The following FCHSD2 variants were observed in gnomAD, a reference collection of about 807,000 sequenced individuals.
FCHSD2 encodes FCH and double SH3 domains 2.
Under a neutral mutation model 108.1 loss-of-function variants are expected in FCHSD2, and 38 were observed. The observed-to-expected ratio is 0.35, with a 90% CI of 0.27 to 0.46. FCHSD2 has a LOEUF of 0.46. Ranked by LOEUF, FCHSD2 falls within the 20% of genes least tolerant of loss-of-function variation. The probability of loss-of-function intolerance (pLI) is 1.00; values close to 1 mark genes in which losing one functional copy is unlikely to be tolerated. For missense variants in FCHSD2, 751 were observed against 897.8 expected, an observed-to-expected ratio of 0.84 and a Z score of 2.09; for synonymous variants, 279 against 314.7, an observed-to-expected ratio of 0.89 and a Z score of 1.20.
chr11:72,978,169 G>A (rs1857143081), intron 8 of FCHSD2, among the ~76,000 whole-genome samples: 1 of 152,048 alleles, frequency 6.6e-6, no homozygotes, highest in Non-Finnish European at 1.5e-5. Context: ...CATGGGGTGG[G>A]GGGAGCGGGG....
At chr11:72,894,016 C>T (rs778858033) in intron 10 of FCHSD2, among the ~76,000 whole-genome samples, 2 of 152,066 alleles carry the variant, frequency 1.3e-5, no homozygotes, top group Non-Finnish European at 2.9e-5. Context: ...AAGCTGACTT[C>T]GCAGAAGAAA....
intron 10 of FCHSD2, 100 bp from the exon 11 acceptor site, chr11:72,890,045 CA>C: frequency 1.4e-6 from 1 of 698,086 alleles, no homozygotes; most frequent in Non-Finnish European, 2.5e-6. Flanking sequence ...AATCAGCACT[CA>C]AAACATGAGG....
intron 8 of FCHSD2, among the ~76,000 whole-genome samples, chr11:72,944,866 G>A (rs1856488158): frequency 6.6e-6 from 1 of 152,124 alleles, no homozygotes; most frequent in African/African-American, 2.4e-5. Context: ...CCTCTTCAAG[G>A]AGAACTACAA....
intron 9 of FCHSD2, 113 bp downstream of exon 9, chr11:72,921,715 T>C (rs1855978552): frequency 1.3e-6 from 1 of 779,994 alleles, no homozygotes; most frequent in Non-Finnish European, 2.0e-6. Flanking sequence ...ACCAGGAAAT[T>C]TGTTCGTTAA....
At chr11:73,070,783 C>G (rs761681093) in intron 3 of FCHSD2, among the ~76,000 whole-genome samples, 3 of 151,450 alleles carry the variant, frequency 2.0e-5, no homozygotes, top group Non-Finnish European at 4.4e-5. Context: ...GAATGGTGAC[C>G]TTAGAGCGTC....
chr11:72,897,912 G>A (rs932499968), intron 10 of FCHSD2, among the ~76,000 whole-genome samples: 1 of 152,148 alleles, frequency 6.6e-6, no homozygotes, highest in African/African-American at 2.4e-5. Context: ...TTTCTAGAAA[G>A]AGCTCTGGCT....
chr11:73,140,758 G>C (rs1281640807), intron 1 of FCHSD2, among the ~76,000 whole-genome samples: 3 of 152,216 alleles, frequency 2.0e-5, no homozygotes, highest in African/African-American at 4.8e-5. Flanking sequence ...GCCGATCCCC[G>C]TGGAGGCTCC....
intron 3 of FCHSD2, among the ~76,000 whole-genome samples, chr11:73,077,404 A>G (rs996568966): frequency 6.6e-5 from 10 of 152,148 alleles, no homozygotes; most frequent in South Asian, 2.1e-4. Context: ...TAAGAAGACT[A>G]TATCTAGTGT....
chr11:72,850,811 G>A (rs1377355563), intron 13 of FCHSD2, among the ~76,000 whole-genome samples: 1 of 151,928 alleles, frequency 6.6e-6, no homozygotes. Flanking sequence ...TTTCAGGCCA[G>A]GTGTGTGGTG....
At chr11:72,909,825 C>T (rs377475495) in intron 9 of FCHSD2, among the ~76,000 whole-genome samples, 1 of 146,076 alleles carries the variant, frequency 6.8e-6, no homozygotes, top group African/African-American at 2.6e-5. Context: ...GTGAGGAGCA[C>T]CTCTGCCCGG....
chr11:73,077,094 T>C lies in FCHSD2; in HGVS notation c.165+6601A>G, dbSNP rs191494064. ...CATTGCACTCCAGCCTGAGACTCTG[T>C]CTCAAAAAAAAAAAAAAAAGAAAAA... On this transcript the variant is annotated intron_variant, in intron 3 of 19. Transcript: ENST00000409418. 1.0e-4 allele frequency among the ~76,000 whole-genome samples: 12 copies of C among 117,350 alleles called. No homozygotes were observed. In the East Asian group the frequency reaches 2.7e-3, roughly 26 times the overall value. 77.0% of individuals were successfully genotyped at this position (117,350 alleles called of 152,430 possible). A position where few individuals can be genotyped will look rare whatever the true frequency, so the allele number is the denominator to read the frequency against.
intron 11 of FCHSD2, among the ~76,000 whole-genome samples, chr11:72,888,776 A>G (rs1196988451): frequency 6.6e-6 from 1 of 151,870 alleles, no homozygotes; most frequent in Non-Finnish European, 1.5e-5. Context: ...GTGCGCCCCC[A>G]TGCCCGACTA....
intron 3 of FCHSD2, among the ~76,000 whole-genome samples, chr11:73,033,572 T>C (rs1167027506): frequency 6.6e-6 from 1 of 152,174 alleles, no homozygotes; most frequent in Non-Finnish European, 1.5e-5. Context: ...TCCACAAGAA[T>C]ATTCCTCTAA....
At chr11:72,842,500 C>A in intron 17 of FCHSD2, 121 bp downstream of exon 17, 2 of 1,201,584 alleles carry the variant, frequency 1.7e-6, no homozygotes, top group Non-Finnish European at 2.3e-6. Context: ...CAGACACTGG[C>A]AACCAAGGAC....
intron 6 of FCHSD2, among the ~76,000 whole-genome samples, chr11:72,987,829 T>C (rs993763042): frequency 1.3e-5 from 2 of 152,240 alleles, no homozygotes; most frequent in African/African-American, 2.4e-5. Context: ...ACTATGACAG[T>C]ATATTCCCAA....
intron 3 of FCHSD2, among the ~76,000 whole-genome samples, chr11:73,029,677 G>A (rs1431207756): frequency 6.6e-6 from 1 of 152,152 alleles, no homozygotes; most frequent in African/African-American, 2.4e-5. Flanking sequence ...TCCCCCTTAG[G>A]CTGAAGTGAC....
chr11:72,981,380 CAG>C (rs1381063765), intron 8 of FCHSD2, among the ~76,000 whole-genome samples: 4 of 152,064 alleles, frequency 2.6e-5, no homozygotes, highest in Admixed American at 6.6e-5. Context: ...TTGCTTTAGG[CAG>C]AGAGCAGATC....
chr11:72,890,361 T>C (rs1180447479), intron 10 of FCHSD2, among the ~76,000 whole-genome samples: 2 of 148,056 alleles, frequency 1.4e-5, no homozygotes, highest in Non-Finnish European at 3.0e-5. Flanking sequence ...TAAAGAATCA[T>C]TAAAGAGAAG....
intron 8 of FCHSD2, among the ~76,000 whole-genome samples, chr11:72,971,490 A>G (rs1468482646): frequency 2.0e-5 from 3 of 152,222 alleles, no homozygotes; most frequent in Non-Finnish European, 2.9e-5. Flanking sequence ...TTCTCTAGCT[A>G]GTAGCAAAAA....
Sources: gnomAD v4.1 joint callset for allele counts (sites outside exome capture counted in the v4.1 genomes callset) on GRCh38, gnomAD v4.1.1 for gene constraint, MANE v1.5 for transcripts, NCBI Gene and HGNC (gene_info 2026-07-23, HGNC 2026-07-21) for gene names.